CNTN5: variants seen among roughly 807,000 people sequenced by gnomAD.
CNTN5 encodes contactin 5, also known as contactin-5.
In CNTN5, 77 loss-of-function variants were observed where a neutral mutation model predicts 129.1. That is an observed-to-expected ratio of 0.60 (90% CI 0.50 to 0.72). CNTN5 has a LOEUF of 0.72. Ranked by LOEUF, CNTN5 falls within the 30% of genes least tolerant of loss-of-function variation. The probability of loss-of-function intolerance (pLI) is 0.00; values close to 1 mark genes in which losing one functional copy is unlikely to be tolerated. For missense variants in CNTN5, 1,478 were observed against 1,328.8 expected (o/e 1.11, Z -1.75); for synonymous variants, 509 against 465.6 (o/e 1.09, Z -1.20).
intron 2 of CNTN5, among the ~76,000 whole-genome samples, chr11:99,386,614 T>C (rs1384282061): frequency 6.6e-6 from 1 of 152,156 alleles, no homozygotes; most frequent in Admixed American, 6.5e-5. Flanking sequence ...ATGACCTGTA[T>C]CTTGTGCTGA....
chr11:99,536,875 G>T (rs1472959461), intron 2 of CNTN5, among the ~76,000 whole-genome samples: 1 of 142,846 alleles, frequency 7.0e-6, no homozygotes, highest in African/African-American at 2.6e-5. Context: ...AAAAGAAAAA[G>T]GAAACAATTA....
At chr11:100,331,231 A>G (rs1247301745) in intron 21 of CNTN5, among the ~76,000 whole-genome samples, 1 of 152,196 alleles carries the variant, frequency 6.6e-6, no homozygotes, top group African/African-American at 2.4e-5. Flanking sequence ...GTTTAAAAAG[A>G]CAAAGAGGGA....
chr11:99,732,078 C>CA (rs1343179447), intron 3 of CNTN5, among the ~76,000 whole-genome samples: 1 of 152,028 alleles, frequency 6.6e-6, no homozygotes, highest in Non-Finnish European at 1.5e-5. Flanking sequence ...ACAAAGAAGA[C>CA]AAATAGTTGA....
rs367693333 is a variant in CNTN5, at chr11:99,565,651, A to G, written c.55+9382A>G. 1.4e-3 allele frequency among the ~76,000 whole-genome samples: 215 copies of G among 152,264 alleles called. 2 individuals carry two copies. Among genetic ancestry groups the G allele is most frequent in the African/African-American group, 4.8e-3 (201 of 41,568 alleles). On this transcript the variant is annotated intron_variant, in intron 3 of 24. Transcript: ENST00000524871. Reference sequence around the variant, plus strand: ...TGGGACCATTCAGTTCTCCTGAAAAATGATTTACTACTCCTTAAAATTGCC... The same window carrying G: ...TGGGACCATTCAGTTCTCCTGAAAAGTGATTTACTACTCCTTAAAATTGCC...
chr11:100,116,029 G>T (rs754734277), intron 13 of CNTN5, among the ~76,000 whole-genome samples: 1 of 151,968 alleles, frequency 6.6e-6, no homozygotes, highest in Admixed American at 6.6e-5. Flanking sequence ...TTTTGGAGAA[G>T]AACCACCTCT....
intron 6 of CNTN5, among the ~76,000 whole-genome samples, chr11:99,879,465 T>A (rs772519252): frequency 6.6e-6 from 1 of 152,192 alleles, no homozygotes; most frequent in East Asian, 1.9e-4. Flanking sequence ...CATTTTGAAA[T>A]TGGACAGAAC....
At chr11:100,211,857 T>C (rs1460720860) in intron 15 of CNTN5, among the ~76,000 whole-genome samples, 1 of 152,182 alleles carries the variant, frequency 6.6e-6, no homozygotes, top group Non-Finnish European at 1.5e-5. Context: ...AAATAAAAAC[T>C]ACCTGGAAAA....
chr11:100,049,047 A>G (rs1455078496), intron 9 of CNTN5, among the ~76,000 whole-genome samples: 1 of 152,158 alleles, frequency 6.6e-6, no homozygotes, highest in Non-Finnish European at 1.5e-5. Context: ...GCAGGAGAAA[A>G]CACCACAAGA....
intron 3 of CNTN5, among the ~76,000 whole-genome samples, chr11:99,609,814 A>G (rs879426691): frequency 1.9e-4 from 29 of 152,132 alleles, no homozygotes. Context: ...GCTCTGGCTC[A>G]ACTGTTTACT....
chr11:100,299,135 A>T (rs199564815), intron 19 of CNTN5, 27 bp from the exon 20 acceptor site: 1 of 1,388,598 alleles, frequency 7.2e-7, no homozygotes, highest in South Asian at 1.3e-5. Flanking sequence ...CATTTTGCTG[A>T]TAATTAATTA....
chr11:100,079,050 G>T lies in CNTN5; in HGVS notation c.1580+4756G>T, dbSNP rs190890897. ...AGAAGTGCCAAGGAAAGGGGGAAGA[G>T]TGCCTTATAAAACCATCAGATCTAT... On this transcript the variant is annotated intron_variant, in intron 13 of 24. Transcript: ENST00000524871. Among the ~76,000 whole-genome samples the T allele has an allele frequency of 1.9e-3, 286 of 152,200 alleles. 1 individual carries two copies. Among genetic ancestry groups the T allele is most frequent in the Non-Finnish European group, 3.3e-3 (225 of 68,012 alleles).
At chr11:100,257,011 G>T (rs1433810960) in intron 17 of CNTN5, among the ~76,000 whole-genome samples, 3 of 152,162 alleles carry the variant, frequency 2.0e-5, no homozygotes, top group Non-Finnish European at 4.4e-5. Context: ...TAGCTCAGCA[G>T]ATCCCACCCC....
At chr11:99,251,604 T>A (rs538920297) in intron 1 of CNTN5, among the ~76,000 whole-genome samples, 1 of 152,104 alleles carries the variant, frequency 6.6e-6, no homozygotes. Context: ...CCTACGTAAG[T>A]ATCTCTTTGG....
At chr11:100,005,479 C>T (rs1181069295) in intron 9 of CNTN5, among the ~76,000 whole-genome samples, 1 of 152,122 alleles carries the variant, frequency 6.6e-6, no homozygotes, top group African/African-American at 2.4e-5. Flanking sequence ...TGACATCTAC[C>T]TTCTTAATGA....
chr11:100,055,605 T>G (rs1365514119), intron 9 of CNTN5, among the ~76,000 whole-genome samples: 1 of 151,602 alleles, frequency 6.6e-6, no homozygotes, highest in Admixed American at 6.6e-5. Flanking sequence ...ATATTGAACA[T>G]AATTGTTCCA....
chr11:100,337,348 A>T, intron 21 of CNTN5: 1 of 839,818 alleles, frequency 1.2e-6, no homozygotes, highest in Non-Finnish European at 2.1e-6. Context: ...TGATCGATGC[A>T]CACATGATCA....
At chr11:99,573,662 G>C (rs993243136) in intron 3 of CNTN5, among the ~76,000 whole-genome samples, 10 of 151,836 alleles carry the variant, frequency 6.6e-5, no homozygotes, top group African/African-American at 2.4e-4. Flanking sequence ...ACGGAGTCTC[G>C]CTCTATTGCC....
chr11:99,339,576 G>A (rs1214978272), intron 2 of CNTN5, among the ~76,000 whole-genome samples: 4 of 151,964 alleles, frequency 2.6e-5, no homozygotes, highest in East Asian at 1.9e-4. Flanking sequence ...TCAGGAGATC[G>A]AGACCATCCT....
Position 100,193,571 on chromosome 11 carries a change from G to A in CNTN5, c.1792G>A (p.Asp598Asn), listed in dbSNP as rs868777094. The A allele has an allele frequency of 2.4e-5, 38 of 1,611,376 alleles. No homozygotes were observed. Among genetic ancestry groups the A allele is most frequent in the Non-Finnish European group, 3.0e-5 (35 of 1,178,406 alleles). The change falls in exon 15 of 25, where the codon GAT becomes AAT. Residue 598 changes from aspartate to asparagine, a missense_variant. By Grantham distance (23) the Asp-to-Asn change is conservative (BLOSUM62 1). Coordinates refer to ENST00000524871, the MANE Select transcript of CNTN5 (RefSeq NM_014361.4). Reference sequence around the variant, plus strand: ...TGTCCTTAATTGCAAAGCAATTCACGATGCTAGTTTGGATGTCACTTTCTA... The same window carrying A: ...TGTCCTTAATTGCAAAGCAATTCACAATGCTAGTTTGGATGTCACTTTCTA... Reference protein sequence around the residue: ...SIVLNCKAIHDASLDVTFYWT... With the variant: ...SIVLNCKAIHNASLDVTFYWT...
Sources: allele counts gnomAD v4.1 joint callset (sites outside exome capture counted in the v4.1 genomes callset), GRCh38; gene constraint gnomAD v4.1.1; transcripts MANE v1.5; gene names NCBI Gene and HGNC (gene_info 2026-07-23, HGNC 2026-07-21).